Variants in WIZ observed in about 807,000 individuals in gnomAD.
WIZ encodes the protein WIZ zinc finger.
Under a neutral mutation model 140.2 loss-of-function variants are expected in WIZ, and 25 were observed. The ratio of observed to expected loss-of-function variants is 0.18; its 90% CI spans 0.13 to 0.25. WIZ has a LOEUF of 0.25. WIZ is among the 10% of genes least tolerant of loss of function. The pLI is 1.00. For synonymous variants in WIZ, 1,125 were observed against 1,154.3 expected (o/e 0.97, Z 0.51); for missense variants, 2,231 against 2,632.6 (o/e 0.85, Z 3.34).
At chr19:15,445,732 A>G (rs1205561307) in intron 2 of WIZ, among the ~76,000 whole-genome samples, 1 of 152,166 alleles carries the variant, frequency 6.6e-6, no homozygotes, top group Non-Finnish European at 1.5e-5. Context: ...AGGCCCAACC[A>G]GAGAGGCAGG....
chr19:15,423,225 C>A lies in WIZ; in HGVS notation c.5521G>T (p.Val1841Leu), dbSNP rs1247778225. The stretch of plus-strand genomic sequence containing the variant: ...ATGGAGAGGGGGCCCTGGAATTCCA[C>A]CTCACAGAACCTGCATGGGGGAACA... ...IYTLKCRFCE[V>L]EFQGPLSIQE... is the part of the protein sequence containing the mutation. The change falls in exon 13 of 13, where the codon GTG (valine) becomes TTG (leucine). Residue 1841 changes from valine to leucine, a missense_variant. Val to Leu is a conservative substitution (Grantham distance 32). This residue lies in a region of WIZ where 299 missense variants were observed against 309.6 expected (regional missense o/e 0.97). Coordinates refer to ENST00000673675, the MANE Select transcript of WIZ (RefSeq NM_001371589.1). 7 of 1,613,558 alleles carry A rather than the reference C, an allele frequency of 4.3e-6. No homozygotes were observed. The Middle Eastern group carries it at 8.3e-4, about 191-fold the overall frequency.
chr19:15,422,397 G>C lies in WIZ; in HGVS notation c.*679C>G, dbSNP rs1451346455. On this transcript the variant is annotated 3_prime_UTR_variant, in exon 13 of 13. Coordinates refer to ENST00000673675, the MANE Select transcript of WIZ (RefSeq NM_001371589.1). ...CCCCAGAGCCCCTGAGGCTCTTTGG[G>C]GGGCCTTGACATGGCAGGAGGCAGC... 1 of 152,040 alleles carries C rather than the reference G, an allele frequency of 6.6e-6. No individual in the cohort carries two copies. Among genetic ancestry groups the C allele is most frequent in the Non-Finnish European group, 1.5e-5 (1 of 68,048 alleles). The allele number at this position is 152,040 out of a possible 1,614,324, so 9.4% of individuals were successfully genotyped here.
chr19:15,424,717 G>A lies in WIZ; in HGVS notation c.5210C>T (p.Pro1737Leu). 2 of 1,579,492 alleles carry A rather than the reference G, an allele frequency of 1.3e-6. No individual in the cohort carries two copies. Among genetic ancestry groups the A allele is most frequent in the Non-Finnish European group, 1.7e-6 (2 of 1,168,910 alleles). Residue 1737 changes from proline (P) to leucine (L), a missense_variant, in exon 11 of 13, where the codon CCA becomes CTA. By Grantham distance (98) the Pro-to-Leu change is moderately conservative. Transcript: ENST00000673675. This position sits in a 1 kb window ranked among gnomAD's most constrained non-coding sequence, Gnocchi z 9.7. Reference sequence around the variant, plus strand: ...GGCTGCCCGGCCAGCCTCGGGCCCTGGCTCCCCTCCGGCACTGCGGCCGAC... The same window carrying A: ...GGCTGCCCGGCCAGCCTCGGGCCCTAGCTCCCCTCCGGCACTGCGGCCGAC... ...AVVGRSAGGE[P>L]GPEAGRAADG...
At position 15,422,662 on chromosome 19, in the gene WIZ, G is replaced by A. The variant is rs1206938769; in HGVS notation, c.*414C>T. The A allele has an allele frequency of 4.8e-6, 1 of 208,864 alleles. No homozygotes were observed. The highest frequency in any genetic ancestry group is 9.7e-6 in the Non-Finnish European group (1 of 102,666). The allele number at this position is 208,864 out of a possible 1,614,324, so 12.9% of individuals were successfully genotyped here. Reference sequence around the variant, plus strand: ...GTTGTGTGTGTTCGCATGTACATGTGTGTGAGAGGATATTCATGGGGGAGA... The same window carrying A: ...GTTGTGTGTGTTCGCATGTACATGTATGTGAGAGGATATTCATGGGGGAGA... On this transcript the variant is annotated 3_prime_UTR_variant, in exon 13 of 13. Transcript: ENST00000673675.
Position 15,442,794 on chromosome 19 carries a change from C to A in WIZ, c.206-46G>T. The A allele has an allele frequency of 8.5e-7, 1 of 1,179,290 alleles. No homozygotes were observed. The highest frequency in any genetic ancestry group is 1.6e-5 in the African/African-American group (1 of 63,512). 73.1% of individuals were successfully genotyped at this position (1,179,290 alleles called of 1,614,324 possible). On this transcript the variant is annotated intron_variant, in intron 2 of 12. Coordinates refer to ENST00000673675, the MANE Select transcript of WIZ (RefSeq NM_001371589.1). This position sits in a 1 kb window ranked among gnomAD's most constrained non-coding sequence, Gnocchi z 5.5. ...CCTGAGGGGCTGGGGTCCCCCTGGCCGGGGCCCTCCACACCCCAGCTCCAG... is the reference window on the plus strand; with the variant it reads ...CCTGAGGGGCTGGGGTCCCCCTGGCAGGGGCCCTCCACACCCCAGCTCCAG...
In WIZ at chr19:15,439,028, C is replaced by T; in HGVS notation, c.1966G>A (p.Glu656Lys). The T allele has an allele frequency of 6.7e-7, 1 of 1,497,512 alleles. No individual in the cohort carries two copies. Among genetic ancestry groups the T allele is most frequent in the Non-Finnish European group, 8.9e-7 (1 of 1,127,952 alleles). The allele number at this position is 1,497,512 out of a possible 1,614,324, so 92.8% of individuals were successfully genotyped here. ...GCCTCTCGGAATGCCTGCTTCAGCT[C>T]CAGGGCCGCCTGCGGGATGAGGCTG... Reference protein sequence around the residue: ...TPSLIPQAALELKQAFREALQ... With the variant: ...TPSLIPQAALKLKQAFREALQ... The change falls in exon 4 of 13, where the codon GAG (glutamate) becomes AAG (lysine). Residue 656 changes from glutamate (E) to lysine (K), a missense_variant. Glu to Lys is a moderately conservative substitution (Grantham distance 56, BLOSUM62 1). Transcript: ENST00000673675. The surrounding 1 kb of genome is among the most constrained non-coding windows in gnomAD (Gnocchi z 7.0).
rs549282854 is a variant in WIZ at position 15,431,190 on chromosome 19, T to G, written c.2741-8A>C. The G allele has an allele frequency of 2.0e-3, 2,991 of 1,511,088 alleles. 7 individuals are homozygous for G. Among genetic ancestry groups the G allele is most frequent in the Non-Finnish European group, 2.3e-3 (2,643 of 1,130,980 alleles). The allele number at this position is 1,511,088 out of a possible 1,614,324, so 93.6% of individuals were successfully genotyped here. A position where few individuals can be genotyped will look rare whatever the true frequency, so the allele number is the denominator to read the frequency against. ...TTTCCTCAGAACCCAGGCCTGTGGG[T>G]TGGGGAGACAGGCTCAGCCCAGACA... On this transcript the variant is annotated splice_polypyrimidine_tract_variant and splice_region_variant and intron_variant, in intron 5 of 12. Coordinates refer to ENST00000673675, the MANE Select transcript of WIZ (RefSeq NM_001371589.1).
In WIZ at chr19:15,421,455, CCA is replaced by C. The variant is rs1372299281; in HGVS notation, c.*1619_*1620del. ...CTGTCCACACGCCATGAGGTCGTTC[CCA>C]CTCTCCAGCACTTGACCGTTTAGTA... On this transcript the variant is annotated 3_prime_UTR_variant, in exon 13 of 13. Coordinates refer to ENST00000673675, the MANE Select transcript of WIZ (RefSeq NM_001371589.1). 6.6e-6 allele frequency: 1 copy of C among 152,320 alleles called. No homozygotes were observed. Among genetic ancestry groups the C allele is most frequent in the Non-Finnish European group, 1.5e-5 (1 of 68,066 alleles). The allele number at this position is 152,320 out of a possible 1,614,324, so 9.4% of individuals were successfully genotyped here. A position where few individuals can be genotyped will look rare whatever the true frequency, so the allele number is the denominator to read the frequency against.
chr19:15,423,341 G>A, intron 12 of WIZ, 106 bp from the exon 13 acceptor site: 1 of 1,402,140 alleles, frequency 7.1e-7, no homozygotes, highest in Admixed American at 2.3e-5. Context: ...AGTGTGGACA[G>A]AGCCAGCCCA....
At chr19:15,430,304 GT>G (rs1189056866) in intron 6 of WIZ, among the ~76,000 whole-genome samples, 25 of 152,344 alleles carry the variant, frequency 1.6e-4, no homozygotes, top group African/African-American at 5.3e-4. Flanking sequence ...AGAGGGAAAA[GT>G]TGTGCCCAAG....
chr19:15,423,112 G>T lies in WIZ; in HGVS notation c.5634C>A (p.Ala1878=). Residue 1878 remains alanine (A), a synonymous_variant, in exon 13 of 13, where the codon GCC becomes GCA. Coordinates refer to ENST00000673675, the MANE Select transcript of WIZ (RefSeq NM_001371589.1). ...KADPPPEESQ[A]PQAQTAAAEA... ...CTGCCGCCGCTGTCTGTGCCTGCGGGGCCTGGGACTCCTCAGGTGGGGGGT... is the reference window on the plus strand; with the variant it reads ...CTGCCGCCGCTGTCTGTGCCTGCGGTGCCTGGGACTCCTCAGGTGGGGGGT... The T allele has an allele frequency of 1.2e-6, 2 of 1,612,366 alleles. No homozygotes were observed. The highest frequency in any genetic ancestry group is 1.7e-6 in the Non-Finnish European group (2 of 1,179,800).
intron 4 of WIZ, 77 bp from the exon 5 acceptor site, chr19:15,437,206 C>T: frequency 1.5e-6 from 2 of 1,368,102 alleles, no homozygotes; most frequent in East Asian, 2.7e-5. Flanking sequence ...ATATTCAGGG[C>T]TTCACCCTGG....
chr19:15,424,527 G>A lies in WIZ; in HGVS notation c.5314+86C>T, dbSNP rs1968589792. On this transcript the variant is annotated intron_variant, in intron 11 of 12. Coordinates refer to ENST00000673675, the MANE Select transcript of WIZ (RefSeq NM_001371589.1). The surrounding 1 kb of genome is among the most constrained non-coding windows in gnomAD (Gnocchi z 9.7). ...GTAAGCAACTGGAGAAAGGACTTAA[G>A]GGCCACAGCAGAGCGCCTGGGGAGT... The A allele has an allele frequency of 6.5e-7, 1 of 1,528,992 alleles. No homozygotes were observed. Among genetic ancestry groups the A allele is most frequent in the Non-Finnish European group, 8.8e-7 (1 of 1,141,480 alleles). 94.7% of individuals were successfully genotyped at this position (1,528,992 alleles called of 1,614,324 possible). A position where few individuals can be genotyped will look rare whatever the true frequency, so the allele number is the denominator to read the frequency against.
chr19:15,444,763 G>C (rs1236283537), intron 2 of WIZ, among the ~76,000 whole-genome samples: 1 of 152,152 alleles, frequency 6.6e-6, no homozygotes, highest in East Asian at 1.9e-4. Context: ...TTTCAGGAGA[G>C]GGCAGCCGGT....
intron 5 of WIZ, chr19:15,436,569 T>G (rs1464772976): frequency 2.0e-6 from 1 of 488,624 alleles, no homozygotes; most frequent in African/African-American, 2.0e-5. Context: ...TCAAAGTCAC[T>G]GGCAGGAAAG....
In WIZ at chr19:15,425,494, G is replaced by A. The variant is rs774406975; in HGVS notation, c.4641C>T (p.Ser1547=). ...CAGCCAGGGGCGACAGCGGCAGTGG[G>A]GACTGCACGGGCCCAGGGGCCACGG... ...PPTVAPGPVQ[S]PLPLSPLAGR... The change falls in exon 10 of 13, where the codon TCC becomes TCT. Residue 1547 remains serine (S), a synonymous_variant. Coordinates refer to ENST00000673675, the MANE Select transcript of WIZ (RefSeq NM_001371589.1). The A allele has an allele frequency of 6.2e-7, 1 of 1,609,296 alleles. No individual in the cohort carries two copies. The highest frequency in any genetic ancestry group is 8.5e-7 in the Non-Finnish European group (1 of 1,178,156).
At position 15,425,257 on chromosome 19, in the gene WIZ, C is replaced by T; in HGVS notation, c.4878G>A (p.Glu1626=). The T allele has an allele frequency of 6.3e-7, 1 of 1,585,658 alleles. No individual in the cohort carries two copies. Among genetic ancestry groups the T allele is most frequent in the Non-Finnish European group, 8.6e-7 (1 of 1,166,898 alleles). The change falls in exon 10 of 13, where the codon GAG becomes GAA. Residue 1626 remains glutamate, a synonymous_variant. Coordinates refer to ENST00000673675, the MANE Select transcript of WIZ (RefSeq NM_001371589.1). ...GCTGCTTACAGGAGTGGGAGGTCTT[C>T]TCATGAAGGGTCTTTGCCTTGAAGG... ...ELPFKAKTLH[E]KTSHSSTEAC...
Position 15,440,847 on chromosome 19 carries a change from G to A in WIZ, c.279-132C>T, listed in dbSNP as rs961152985. ...CAGCCCGAGGGTGACAGGGGTGTGG[G>A]GGTGAGGGTGGGAGGTAGGGGGAGT... On this transcript the variant is annotated intron_variant, in intron 3 of 12. Coordinates refer to ENST00000673675, the MANE Select transcript of WIZ (RefSeq NM_001371589.1). This position sits in a 1 kb window ranked among gnomAD's most constrained non-coding sequence, Gnocchi z 6.2. The A allele has an allele frequency of 1.3e-5, 11 of 874,938 alleles. No individual in the cohort carries two copies. In the Admixed American group the frequency reaches 2.9e-4, roughly 23 times the overall value. The allele number at this position is 874,938 out of a possible 1,614,324, so 54.2% of individuals were successfully genotyped here.
chr19:15,447,338 A>C (rs1333156918), intron 2 of WIZ, among the ~76,000 whole-genome samples: 1 of 151,886 alleles, frequency 6.6e-6, no homozygotes, highest in Non-Finnish European at 1.5e-5. Context: ...TTCAAATGCC[A>C]CTCTATCAGG....
Sources: gnomAD v4.1 joint callset for allele counts (sites outside exome capture counted in the v4.1 genomes callset) on GRCh38, gnomAD v4.1.1 for gene constraint, gnomAD v4.1.1 regional missense constraint, Gnocchi (gnomAD v3.1) non-coding constraint, MANE v1.5 for transcripts, NCBI Gene and HGNC (gene_info 2026-07-23, HGNC 2026-07-21) for gene names.